CD22: variants seen among roughly 807,000 people sequenced by gnomAD.
CD22 encodes B-cell receptor CD22.
Under a neutral mutation model 94.7 loss-of-function variants are expected in CD22, and 51 were observed. The ratio of observed to expected loss-of-function variants is 0.54; its 90% CI spans 0.43 to 0.68. CD22 has a LOEUF of 0.68. Among genes scored for constraint, CD22 ranks in the 30% least tolerant of loss-of-function variants. CD22 has a pLI of 0.00. For missense variants in CD22, 931 were observed against 1,060.4 expected (o/e 0.88, Z 1.69); for synonymous variants, 424 against 422.5 (o/e 1.00, Z -0.04).
In CD22 at chr19:35,341,310, C is replaced by A; in HGVS notation, c.1508-33C>A. On this transcript the variant is annotated intron_variant, in intron 7 of 13. Transcript: ENST00000085219. This position sits in a 1 kb window ranked among gnomAD's most constrained non-coding sequence, Gnocchi z 4.0. ...TGGGGACAGCAAAAGGGACAGGGAGCGGAGAGGTCAGCTTGGGACCCTTGC... is the reference window on the plus strand; with the variant it reads ...TGGGGACAGCAAAAGGGACAGGGAGAGGAGAGGTCAGCTTGGGACCCTTGC... The A allele has an allele frequency of 1.2e-6, 2 of 1,607,312 alleles. No individual in the cohort carries two copies. The highest frequency in any genetic ancestry group is 1.7e-6 in the Non-Finnish European group (2 of 1,175,672).
In CD22 at chr19:35,341,211, C is replaced by T. The variant is rs533519893; in HGVS notation, c.1507+73C>T. 4.9e-4 allele frequency: 779 copies of T among 1,605,340 alleles called. No individual in the cohort carries two copies. The highest frequency in any genetic ancestry group is 6.2e-4 in the Non-Finnish European group (728 of 1,173,924). On this transcript the variant is annotated intron_variant, in intron 7 of 13. Transcript: ENST00000085219. This position sits in a 1 kb window ranked among gnomAD's most constrained non-coding sequence, Gnocchi z 4.0. ...GATGAGGGGATGAAGGCAACGAGGC[C>T]GGAGCCTGGGCCAGTGTCTTCAACA...
intron 6 of CD22, among the ~76,000 whole-genome samples, chr19:35,338,705 T>C (rs1289700161): frequency 6.6e-6 from 1 of 152,008 alleles, no homozygotes; most frequent in East Asian, 2.0e-4. Context: ...CTCGGCTCAC[T>C]GCAAGCTCCA....
Position 35,346,812 on chromosome 19 carries a change from A to G in CD22, c.*115A>G, listed in dbSNP as rs1052081748. On this transcript the variant is annotated 3_prime_UTR_variant, in exon 14 of 14. Transcript: ENST00000085219. ...TGCGCGCATGTGCGCACACACACACACACACGCACACACACACACACACAC... is the reference window on the plus strand; with the variant it reads ...TGCGCGCATGTGCGCACACACACACGCACACGCACACACACACACACACAC... 2.8e-5 allele frequency: 25 copies of G among 877,552 alleles called. No individual in the cohort carries two copies. The highest frequency in any genetic ancestry group is 1.8e-4 in the African/African-American group (10 of 55,490). 54.4% of individuals were successfully genotyped at this position (877,552 alleles called of 1,614,324 possible). A position where few individuals can be genotyped will look rare whatever the true frequency, so the allele number is the denominator to read the frequency against.
At position 35,346,818 on chromosome 19, in the gene CD22, G is replaced by GCACACACACACACACACGCA. The variant is rs2066916571; in HGVS notation, c.*138_*139insGCACACACACACACACACAC. 9 of 666,198 alleles carry GCACACACACACACACACGCA rather than the reference G, an allele frequency of 1.4e-5. No individual in the cohort carries two copies. The African/African-American group carries it at 1.6e-4, about 12-fold the overall frequency. 41.3% of individuals were successfully genotyped at this position (666,198 alleles called of 1,614,324 possible). A position where few individuals can be genotyped will look rare whatever the true frequency, so the allele number is the denominator to read the frequency against. On this transcript the variant is annotated 3_prime_UTR_variant, in exon 14 of 14. Coordinates refer to ENST00000085219, the MANE Select transcript of CD22 (RefSeq NM_001771.4). Reference sequence around the variant, plus strand: ...CATGTGCGCACACACACACACACACGCACACACACACACACACACTCACTG... The same window carrying GCACACACACACACACACGCA: ...CATGTGCGCACACACACACACACACGCACACACACACACACACGCACACACACACACACACACACTCACTG...
chr19:35,337,883 G>A lies in CD22; in HGVS notation c.847G>A (p.Gly283Arg). ...EYTTVSWLKDGTSLKKQNTFT... is the reference protein window; with the variant it reads ...EYTTVSWLKDRTSLKKQNTFT... Reference sequence around the variant, plus strand: ...CACGACGGTATCCTGGCTCAAGGATGGGACCTCGCTGAAGAAGCAGAATAC... The same window carrying A: ...CACGACGGTATCCTGGCTCAAGGATAGGACCTCGCTGAAGAAGCAGAATAC... The change falls in exon 5 of 14, where the codon GGG becomes AGG. Residue 283 changes from glycine (G) to arginine (R), a missense_variant. By Grantham distance (125) the Gly-to-Arg change is moderately radical. Coordinates refer to ENST00000085219, the MANE Select transcript of CD22 (RefSeq NM_001771.4). The surrounding 1 kb of genome is among the most constrained non-coding windows in gnomAD (Gnocchi z 4.4). 10 of 1,614,212 alleles carry A rather than the reference G, an allele frequency of 6.2e-6. No individual in the cohort carries two copies. The highest frequency in any genetic ancestry group is 8.5e-6 in the Non-Finnish European group (10 of 1,180,036).
At position 35,341,155 on chromosome 19, in the gene CD22, G is replaced by A; in HGVS notation, c.1507+17G>A. Reference sequence around the variant, plus strand: ...ATGTCCAGTGTGAGTCCCTGGGCTAGGCAGGGGGATCTGGGAGGTGGCCCG... The same window carrying A: ...ATGTCCAGTGTGAGTCCCTGGGCTAAGCAGGGGGATCTGGGAGGTGGCCCG... On this transcript the variant is annotated intron_variant, in intron 7 of 13. Transcript: ENST00000085219. The surrounding 1 kb of genome is among the most constrained non-coding windows in gnomAD (Gnocchi z 4.0). 1.9e-6 allele frequency: 3 copies of A among 1,613,400 alleles called. No homozygotes were observed. Among genetic ancestry groups the A allele is most frequent in the Non-Finnish European group, 2.5e-6 (3 of 1,179,332 alleles).
chr19:35,338,106 C>A, intron 5 of CD22, 62 bp from the exon 6 acceptor site: 1 of 1,574,356 alleles, frequency 6.4e-7, no homozygotes, highest in Non-Finnish European at 8.6e-7. Context: ...GCTCTCGGGG[C>A]CGTGTGCACA....
chr19:35,340,094 G>A (rs1195154933), intron 6 of CD22, among the ~76,000 whole-genome samples: 1 of 152,172 alleles, frequency 6.6e-6, no homozygotes, highest in African/African-American at 2.4e-5. Flanking sequence ...TGTCATATGT[G>A]CTAACAGGAC....
At chr19:35,332,310 T>C (rs1341349165) in intron 2 of CD22, 2 of 642,802 alleles carry the variant, frequency 3.1e-6, no homozygotes, top group African/African-American at 3.7e-5. Flanking sequence ...AGGGAATTCT[T>C]TAGTCTTTAG....
chr19:35,344,975 C>A, intron 10 of CD22, 50 bp downstream of exon 10: 2 of 1,592,924 alleles, frequency 1.3e-6, no homozygotes, highest in East Asian at 2.2e-5. Context: ...GGCAGAGGCC[C>A]GTGTCCAGTT....
Position 35,339,556 on chromosome 19 carries a change from C to CA in CD22, c.1249+1133dup, listed in dbSNP as rs199618082. 6.5e-3 allele frequency among the ~76,000 whole-genome samples: 975 copies of CA among 150,236 alleles called. 50 individuals are homozygous for CA. In the East Asian group the frequency reaches 0.1, roughly 16 times the overall value. On this transcript the variant is annotated intron_variant, in intron 6 of 13. Transcript: ENST00000085219. ...TGGGTGACTGAGTGAGACCTTGTCTCAAAAAAAAGAATGGATTGGCCAGGC... is the reference window on the plus strand; with the variant it reads ...TGGGTGACTGAGTGAGACCTTGTCTCAAAAAAAAAGAATGGATTGGCCAGGC...
chr19:35,346,447 C>T lies in CD22; in HGVS notation c.2413-119C>T, dbSNP rs1045328207. On this transcript the variant is annotated intron_variant, in intron 13 of 13. Coordinates refer to ENST00000085219, the MANE Select transcript of CD22 (RefSeq NM_001771.4). ...GCCGGCCACAGCCAGTTTCCTGACA[C>T]GAGGACACCCGCCTGGGCTTTTGGA... 26 of 1,388,408 alleles carry T rather than the reference C, an allele frequency of 1.9e-5. No individual in the cohort carries two copies. In the African/African-American group the frequency reaches 2.6e-4, roughly 14 times the overall value. 86.0% of individuals were successfully genotyped at this position (1,388,408 alleles called of 1,614,324 possible).
chr19:35,343,794 G>A (rs933333141), intron 9 of CD22, among the ~76,000 whole-genome samples: 7 of 152,138 alleles, frequency 4.6e-5, no homozygotes, highest in African/African-American at 1.7e-4. Context: ...ACAAAAAAGA[G>A]TCTGAAAGCA....
In CD22 at chr19:35,332,008, C is replaced by T. The variant is rs1599671387; in HGVS notation, c.-22-11C>T. 6.2e-7 allele frequency: 1 copy of T among 1,613,754 alleles called. No individual in the cohort carries two copies. The highest frequency in any genetic ancestry group is 8.5e-7 in the Non-Finnish European group (1 of 1,179,740). On this transcript the variant is annotated splice_polypyrimidine_tract_variant and intron_variant, in intron 1 of 13. Transcript: ENST00000085219. ...GCCAGATGGCTCAAAGACAAACTCTCCCCTGCTCAGGCTTGCACCCAGACA... is the reference window on the plus strand; with the variant it reads ...GCCAGATGGCTCAAAGACAAACTCTTCCCTGCTCAGGCTTGCACCCAGACA...
rs529472389 is a variant in CD22, at chr19:35,332,045, A to G, written c.5A>G (p.His2Arg). 1 of 1,613,850 alleles carries G rather than the reference A, an allele frequency of 6.2e-7. No individual in the cohort carries two copies. The highest frequency in any genetic ancestry group is 1.7e-5 in the Admixed American group (1 of 59,998). M[H>R]LLGPWLLLLV... ...CTTGCACCCAGACACGACACCATGCATCTCCTCGGCCCCTGGCTCCTGCTC... is the reference window on the plus strand; with the variant it reads ...CTTGCACCCAGACACGACACCATGCGTCTCCTCGGCCCCTGGCTCCTGCTC... The change falls in exon 2 of 14, where the codon CAT becomes CGT. Residue 2 changes from histidine (H) to arginine (R), a missense_variant. By Grantham distance (29) the His-to-Arg change is conservative. Coordinates refer to ENST00000085219, the MANE Select transcript of CD22 (RefSeq NM_001771.4).
chr19:35,339,985 T>C (rs73927991), intron 6 of CD22, among the ~76,000 whole-genome samples: 2,084 of 152,284 alleles, frequency 0.014, 56 homozygotes, highest in African/African-American at 0.048. Context: ...ACTGTCTCAT[T>C]ACCTCTCCAT....
chr19:35,346,385 C>A, intron 13 of CD22, 150 bp downstream of exon 13: 2 of 1,087,370 alleles, frequency 1.8e-6, no homozygotes, highest in South Asian at 1.4e-5. Flanking sequence ...TCCGGCAGAG[C>A]TGGCCAGAGC....
At position 35,346,996 on chromosome 19, in the gene CD22, C is replaced by A. The variant is rs1022269923; in HGVS notation, c.*299C>A. 16 of 287,296 alleles carry A rather than the reference C, an allele frequency of 5.6e-5. No individual in the cohort carries two copies. The highest frequency in any genetic ancestry group is 1.1e-4 in the Non-Finnish European group (16 of 151,556). 17.8% of individuals were successfully genotyped at this position (287,296 alleles called of 1,614,324 possible). A position where few individuals can be genotyped will look rare whatever the true frequency, so the allele number is the denominator to read the frequency against. ...ACATGCACACCTCCCCCTGCCCCCA[C>A]CACGGCCACTGGCCATCTCCACCCC... is the stretch of plus-strand genomic sequence containing the variant. On this transcript the variant is annotated 3_prime_UTR_variant, in exon 14 of 14. Transcript: ENST00000085219.
Position 35,336,307 on chromosome 19 carries a change from C to T in CD22, c.684C>T (p.Phe228=). The T allele has an allele frequency of 6.2e-7, 1 of 1,614,192 alleles. No individual in the cohort carries two copies. ...AGCTTCAGGATGCAGATGGGAAGTT[C>T]CTCTCCAATGACACGGTGCAGCTGA... The part of the protein sequence containing the change: ...TCQLQDADGK[F]LSNDTVQLNV... Residue 228 remains phenylalanine (F), a synonymous_variant, in exon 4 of 14, where the codon TTC becomes TTT. Coordinates refer to ENST00000085219, the MANE Select transcript of CD22 (RefSeq NM_001771.4).
Sources: allele counts gnomAD v4.1 joint callset (sites outside exome capture counted in the v4.1 genomes callset), GRCh38; gene constraint gnomAD v4.1.1; non-coding constraint Gnocchi (gnomAD v3.1); transcripts MANE v1.5; gene names NCBI Gene and HGNC (gene_info 2026-07-23, HGNC 2026-07-21).